Variants in MARK1 observed in about 807,000 individuals in gnomAD.
MARK1 encodes the protein microtubule affinity regulating kinase 1.
Under a neutral mutation model 96.3 loss-of-function variants are expected in MARK1, and 40 were observed. The ratio of observed to expected loss-of-function variants is 0.42; its 90% CI spans 0.32 to 0.54. MARK1 has a LOEUF of 0.54. Ranked by LOEUF, MARK1 falls within the 20% of genes least tolerant of loss-of-function variation. The pLI is 0.16. For synonymous variants in MARK1, 317 were observed against 341.2 expected, an observed-to-expected ratio of 0.93 and a Z score of 0.78; for missense variants, 719 against 984.6, an observed-to-expected ratio of 0.73 and a Z score of 3.61.
chr1:220,544,836 G>C (rs907579562), intron 1 of MARK1, among the ~76,000 whole-genome samples: 9 of 152,328 alleles, frequency 5.9e-5, no homozygotes, highest in African/African-American at 2.2e-4. Context: ...CAGCAATGCT[G>C]CTTTCACAAT....
intron 1 of MARK1, among the ~76,000 whole-genome samples, 157 bp from the exon 2 acceptor site, chr1:220,579,197 C>T (rs1177289820): frequency 1.3e-5 from 2 of 151,890 alleles, no homozygotes; most frequent in Non-Finnish European, 2.9e-5. Context: ...GAGCTGAAGT[C>T]CAGAAGAAAT....
chr1:220,639,335 T>G (rs1167795402), intron 13 of MARK1, among the ~76,000 whole-genome samples: 1 of 152,206 alleles, frequency 6.6e-6, no homozygotes, highest in Non-Finnish European at 1.5e-5. Flanking sequence ...TATTTTACTT[T>G]TTTATAAAAA....
intron 1 of MARK1, among the ~76,000 whole-genome samples, chr1:220,563,023 T>C (rs1009159356): frequency 2.0e-4 from 31 of 152,180 alleles, no homozygotes; most frequent in Admixed American, 1.2e-3. Flanking sequence ...GCTTGGCCAG[T>C]AGCAGGTGCT....
intron 1 of MARK1, among the ~76,000 whole-genome samples, chr1:220,573,794 T>C (rs537155456): frequency 0.055 from 1,692 of 30,558 alleles, 27 homozygotes; most frequent in African/African-American, 0.095. Context: ...TATATTGTAG[T>C]ATATGTAGTA....
intron 9 of MARK1, among the ~76,000 whole-genome samples, chr1:220,624,358 G>C (rs192399323): frequency 0.012 from 1,777 of 151,370 alleles, 20 homozygotes; most frequent in Middle Eastern, 0.038. Flanking sequence ...CCAGCACTTT[G>C]GGAGGCCGAG....
At chr1:220,549,331 T>C (rs1482240328) in intron 1 of MARK1, among the ~76,000 whole-genome samples, 2 of 152,336 alleles carry the variant, frequency 1.3e-5, no homozygotes, top group Middle Eastern at 3.4e-3. Flanking sequence ...TGAACACATA[T>C]AGCGCCCTTA....
chr1:220,617,951 G>A lies in MARK1; in HGVS notation c.553-359G>A, dbSNP rs557434367. Among the ~76,000 whole-genome samples the A allele has an allele frequency of 2.8e-4, 42 of 152,196 alleles. 2 individuals carry two copies. In the South Asian group the frequency reaches 6.4e-3, roughly 23 times the overall value. On this transcript the variant is annotated intron_variant, in intron 7 of 17. Coordinates refer to ENST00000366917, the MANE Select transcript of MARK1 (RefSeq NM_018650.5). ...GTTGGTTTAAGTCCCAGATGGATTC[G>A]TATTATGTTCTTTAGAGTAGGTCAT...
intron 6 of MARK1, among the ~76,000 whole-genome samples, chr1:220,614,894 A>T (rs1263881199): frequency 6.6e-6 from 1 of 152,096 alleles, no homozygotes; most frequent in Non-Finnish European, 1.5e-5. Context: ...TTGTACTTTG[A>T]AGTTTTTTTT....
intron 5 of MARK1, among the ~76,000 whole-genome samples, 192 bp downstream of exon 5, chr1:220,600,055 A>G (rs1665638712): frequency 6.6e-6 from 1 of 152,118 alleles, no homozygotes; most frequent in African/African-American, 2.4e-5. Flanking sequence ...TATAAATGGA[A>G]TTTTTGGCTT....
chr1:220,603,481 G>A (rs1665878267), intron 5 of MARK1, among the ~76,000 whole-genome samples: 1 of 152,034 alleles, frequency 6.6e-6, no homozygotes, highest in Admixed American at 6.5e-5. Context: ...GGGTATTAGA[G>A]ATACACACAC....
chr1:220,564,933 T>G (rs1662932585), intron 1 of MARK1, among the ~76,000 whole-genome samples: 1 of 152,138 alleles, frequency 6.6e-6, no homozygotes, highest in African/African-American at 2.4e-5. Context: ...TTTATTATCA[T>G]TATTCTCATT....
chr1:220,532,697 T>C (rs1660396952), intron 1 of MARK1, among the ~76,000 whole-genome samples: 1 of 152,172 alleles, frequency 6.6e-6, no homozygotes, highest in Admixed American at 6.5e-5. Flanking sequence ...TTTTTTTGTT[T>C]TCTTTTGTTT....
intron 5 of MARK1, among the ~76,000 whole-genome samples, chr1:220,602,495 G>A (rs1463538074): frequency 6.6e-6 from 1 of 152,168 alleles, no homozygotes; most frequent in Admixed American, 6.6e-5. Context: ...ACTATGTCAT[G>A]TAAATACCTG....
At position 220,658,350 on chromosome 1, in the gene MARK1, A is replaced by T. The variant is rs554448412; in HGVS notation, c.2033+516A>T. Among the ~76,000 whole-genome samples, 3 of 152,160 alleles carry T rather than the reference A, an allele frequency of 2.0e-5. No homozygotes were observed. In the South Asian group the frequency reaches 6.2e-4, roughly 32 times the overall value. On this transcript the variant is annotated intron_variant, in intron 17 of 17. Coordinates refer to ENST00000366917, the MANE Select transcript of MARK1 (RefSeq NM_018650.5). ...TATTCATTCTGGCAATGGGTTTCAT[A>T]CTTGAGCACAATCAGAATTACAGGG...
At chr1:220,542,861 A>G (rs550323531) in intron 1 of MARK1, among the ~76,000 whole-genome samples, 36 of 152,292 alleles carry the variant, frequency 2.4e-4, no homozygotes, top group African/African-American at 7.9e-4. Flanking sequence ...AGTTTTTTGT[A>G]AATGGGTCTT....
At chr1:220,545,011 T>A (rs1661381033) in intron 1 of MARK1, among the ~76,000 whole-genome samples, 1 of 152,176 alleles carries the variant, frequency 6.6e-6, no homozygotes, top group African/African-American at 2.4e-5. Flanking sequence ...AAGTTGCAGT[T>A]CCTTGTCATC....
At chr1:220,586,962 G>A (rs964273824) in intron 3 of MARK1, among the ~76,000 whole-genome samples, 7 of 151,776 alleles carry the variant, frequency 4.6e-5, no homozygotes, top group African/African-American at 1.7e-4. Flanking sequence ...TTTATTTATT[G>A]CACTAAAATG....
At chr1:220,587,867 A>G (rs543807983) in intron 3 of MARK1, among the ~76,000 whole-genome samples, 38 of 152,254 alleles carry the variant, frequency 2.5e-4, no homozygotes, top group African/African-American at 8.2e-4. Context: ...ATTATTGTGT[A>G]TATCTTTTTG....
intron 1 of MARK1, among the ~76,000 whole-genome samples, chr1:220,559,717 A>G (rs753809634): frequency 1.3e-5 from 2 of 152,206 alleles, no homozygotes; most frequent in Non-Finnish European, 2.9e-5. Context: ...GGCAGAGAAT[A>G]TGGAGGCAGT....
Sources: allele counts gnomAD v4.1 joint callset (sites outside exome capture counted in the v4.1 genomes callset), GRCh38; gene constraint gnomAD v4.1.1; transcripts MANE v1.5; gene names NCBI Gene and HGNC (gene_info 2026-07-23, HGNC 2026-07-21).